The following BLTP3B variants were observed in gnomAD, a reference collection of about 807,000 sequenced individuals.
The protein encoded by BLTP3B is UHRF1 (ICBP90) binding protein 1-like.
chr12:100,058,919 C>A, the BLTP3B span: 1 of 1,613,986 alleles, frequency 6.2e-7, no homozygotes, highest in Non-Finnish European at 8.5e-7. Flanking sequence ...ATGAAGAAGG[C>A]TTCTGACCAC....
At chr12:100,142,749 C>G in the BLTP3B span, 1 of 1,479,860 alleles carries the variant, frequency 6.8e-7, no homozygotes. Context: ...GCTGATCGCT[C>G]ACGACCGGGA....
At chr12:100,037,875 G>T in the BLTP3B span, 1 of 838,400 alleles carries the variant, frequency 1.2e-6, no homozygotes, top group Non-Finnish European at 1.8e-6. Context: ...GCTGGTGAGA[G>T]TGCACTTAAG....
chr12:100,134,552 G>A, the BLTP3B span, among the ~76,000 whole-genome samples: 2 of 152,208 alleles, frequency 1.3e-5, no homozygotes, highest in South Asian at 2.1e-4. Flanking sequence ...AGAAGGCAGG[G>A]GTTGCAGTGA....
chr12:100,054,612 A>G, the BLTP3B span, among the ~76,000 whole-genome samples: 1 of 152,220 alleles, frequency 6.6e-6, no homozygotes, highest in South Asian at 2.1e-4. Context: ...CGGGGGAACT[A>G]GAGTTATCTG....
chr12:100,138,826 C>T, the BLTP3B span, among the ~76,000 whole-genome samples: 1 of 151,994 alleles, frequency 6.6e-6, no homozygotes, highest in Non-Finnish European at 1.5e-5. Flanking sequence ...GATTTGCAAG[C>T]GCCTGTTCAC....
the BLTP3B span, among the ~76,000 whole-genome samples, chr12:100,095,197 G>A: frequency 2.3e-3 from 343 of 152,246 alleles, 3 homozygotes; most frequent in African/African-American, 7.7e-3. Flanking sequence ...TTAAGAAAGT[G>A]ATAAATAGCT....
the BLTP3B span, chr12:100,048,069 T>C: frequency 6.2e-7 from 1 of 1,613,226 alleles, no homozygotes. Context: ...TGAAGTTTTC[T>C]ATGTGGCACT....
At chr12:100,058,064 G>A in the BLTP3B span, 1 of 1,584,146 alleles carries the variant, frequency 6.3e-7, no homozygotes. Flanking sequence ...TTCTAACTGG[G>A]GGGGTCTCTT....
the BLTP3B span, among the ~76,000 whole-genome samples, chr12:100,140,836 T>C: frequency 6.7e-6 from 1 of 149,872 alleles, no homozygotes; most frequent in Non-Finnish European, 1.5e-5. Context: ...CATTACATCT[T>C]TGTTCTTAAT....
At chr12:100,110,943 G>A in the BLTP3B span, among the ~76,000 whole-genome samples, 1 of 152,248 alleles carries the variant, frequency 6.6e-6, no homozygotes, top group African/African-American at 2.4e-5. Context: ...CTTGGGCATG[G>A]AGGAATATGG....
At chr12:100,119,642 C>G in the BLTP3B span, among the ~76,000 whole-genome samples, 975 of 152,144 alleles carry the variant, frequency 6.4e-3, 9 homozygotes, top group African/African-American at 0.022. Context: ...GACCCAAATT[C>G]ATGGTTAGCT....
the BLTP3B span, chr12:100,128,763 C>T: frequency 1.6e-6 from 2 of 1,243,462 alleles, no homozygotes; most frequent in Non-Finnish European, 2.1e-6. Context: ...CAGAAGGGAG[C>T]AAGTTTAAGG....
At chr12:100,127,111 C>T in the BLTP3B span, among the ~76,000 whole-genome samples, 4 of 150,366 alleles carry the variant, frequency 2.7e-5, no homozygotes, top group Non-Finnish European at 5.9e-5. Flanking sequence ...CTAGAAAAAA[C>T]AAAGGGCTAC....
chr12:100,070,836 T>TA, the BLTP3B span, among the ~76,000 whole-genome samples: 25 of 148,512 alleles, frequency 1.7e-4, no homozygotes, highest in South Asian at 4.3e-4. Context: ...TCACCTCTAC[T>TA]AAAAAAAAAA....
At chr12:100,054,636 G>C in the BLTP3B span, among the ~76,000 whole-genome samples, 1 of 152,158 alleles carries the variant, frequency 6.6e-6, no homozygotes, top group Non-Finnish European at 1.5e-5. Flanking sequence ...ATCTAGAATA[G>C]ATTTTCATGA....
chr12:100,097,356 T>C, the BLTP3B span: 1 of 1,606,494 alleles, frequency 6.2e-7, no homozygotes, highest in Non-Finnish European at 8.5e-7. Context: ...TGTAATCTTG[T>C]TGACTCACCC....
the BLTP3B span, among the ~76,000 whole-genome samples, chr12:100,132,022 C>T: frequency 7.2e-5 from 11 of 152,274 alleles, no homozygotes; most frequent in South Asian, 2.3e-3. Flanking sequence ...GAACTCCTGA[C>T]CTCAGGTGAT....
the BLTP3B span, chr12:100,108,371 A>C: frequency 6.2e-7 from 1 of 1,603,752 alleles, no homozygotes; most frequent in Non-Finnish European, 8.5e-7. Context: ...CAAGCCACAG[A>C]TATCAAAGTC....
the BLTP3B span, among the ~76,000 whole-genome samples, chr12:100,098,873 C>T: frequency 1.3e-5 from 2 of 151,548 alleles, no homozygotes; most frequent in African/African-American, 4.9e-5. Flanking sequence ...TGCAACACTG[C>T]ACTCCAGCCT....
Sources: allele counts gnomAD v4.1 joint callset (sites outside exome capture counted in the v4.1 genomes callset), GRCh38; gene constraint gnomAD v4.1.1; transcripts MANE v1.5; gene names NCBI Gene and HGNC (gene_info 2026-07-23, HGNC 2026-07-21).